PDZRN3: variants seen among roughly 807,000 people sequenced by gnomAD.
The protein encoded by PDZRN3 is E3 ubiquitin-protein ligase PDZRN3.
PDZRN3 carries 38 observed loss-of-function variants against 85.7 expected under a neutral mutation model. The ratio of observed to expected loss-of-function variants is 0.44; its 90% CI spans 0.34 to 0.58. The LOEUF is 0.58. Ranked by LOEUF, PDZRN3 falls within the 20% of genes least tolerant of loss-of-function variation. PDZRN3 has a pLI of 0.01. For synonymous variants in PDZRN3, 759 were observed against 638.0 expected, an observed-to-expected ratio of 1.19 and a Z score of -2.86; for missense variants, 1,629 against 1,506.4, an observed-to-expected ratio of 1.08 and a Z score of -1.35.
intron 3 of PDZRN3, among the ~76,000 whole-genome samples, chr3:73,414,588 T>C (rs546495739): frequency 1.3e-5 from 2 of 152,352 alleles, no homozygotes; most frequent in African/African-American, 4.8e-5. Context: ...GATAGGATCC[T>C]TGGAAGAAAA....
chr3:73,424,634 A>C (rs1370950830), intron 3 of PDZRN3, among the ~76,000 whole-genome samples: 2 of 152,014 alleles, frequency 1.3e-5, no homozygotes, highest in Non-Finnish European at 2.9e-5. Context: ...TGGTATCCAG[A>C]CTATGTTTTT....
chr3:73,427,682 T>C (rs1306821979), intron 3 of PDZRN3, among the ~76,000 whole-genome samples: 5 of 152,234 alleles, frequency 3.3e-5, no homozygotes, highest in Admixed American at 2.6e-4. Flanking sequence ...ATGGACTCAT[T>C]TGTCACGGTA....
chr3:73,421,171 T>C (rs957354383), intron 3 of PDZRN3, among the ~76,000 whole-genome samples: 13 of 152,094 alleles, frequency 8.5e-5, no homozygotes, highest in Admixed American at 1.3e-4. Flanking sequence ...TATGCCCACA[T>C]AAAGAGCCTA....
chr3:73,443,491 T>C (rs1287801915), intron 3 of PDZRN3, among the ~76,000 whole-genome samples: 3 of 139,990 alleles, frequency 2.1e-5, no homozygotes, highest in South Asian at 2.2e-4. Context: ...TTTTTTTTTT[T>C]TTTTTTTGGG....
intron 3 of PDZRN3, among the ~76,000 whole-genome samples, chr3:73,566,052 A>G (rs1701943946): frequency 6.6e-6 from 1 of 152,216 alleles, no homozygotes; most frequent in South Asian, 2.1e-4. Flanking sequence ...GCATTCAGGT[A>G]ATTAGGAAAA....
At chr3:73,387,680 G>A (rs150169360) in intron 8 of PDZRN3, among the ~76,000 whole-genome samples, 10 of 152,252 alleles carry the variant, frequency 6.6e-5, no homozygotes, top group Non-Finnish European at 1.0e-4. Context: ...ATGTCTTGAC[G>A]TGACCCCGGT....
chr3:73,440,288 C>T (rs935815979), intron 3 of PDZRN3, among the ~76,000 whole-genome samples: 1 of 152,162 alleles, frequency 6.6e-6, no homozygotes, highest in African/African-American at 2.4e-5. Flanking sequence ...GTGAGGGCAG[C>T]CTACTATGTG....
At chr3:73,397,111 G>A (rs1701654768) in intron 5 of PDZRN3, among the ~76,000 whole-genome samples, 1 of 150,306 alleles carries the variant, frequency 6.7e-6, no homozygotes, top group Non-Finnish European at 1.5e-5. Context: ...TTGGCTCAAT[G>A]CAACCTCCGC....
At chr3:73,584,983 A>AT (rs1184365231) in intron 3 of PDZRN3, among the ~76,000 whole-genome samples, 1 of 152,076 alleles carries the variant, frequency 6.6e-6, no homozygotes, top group Non-Finnish European at 1.5e-5. Context: ...CTTTAAAAAA[A>AT]TTTTTTTTCA....
At chr3:73,592,751 T>C (rs1005052459) in intron 3 of PDZRN3, among the ~76,000 whole-genome samples, 1 of 152,054 alleles carries the variant, frequency 6.6e-6, no homozygotes, top group Non-Finnish European at 1.5e-5. Flanking sequence ...CACCCTGGAG[T>C]ACTCAGAGTT....
intron 3 of PDZRN3, among the ~76,000 whole-genome samples, chr3:73,477,037 G>A (rs1429153468): frequency 1.3e-5 from 2 of 152,210 alleles, no homozygotes; most frequent in Admixed American, 1.3e-4. Flanking sequence ...TATATTTATT[G>A]AGTTCTTATA....
At chr3:73,465,718 A>G (rs1703199383) in intron 3 of PDZRN3, among the ~76,000 whole-genome samples, 1 of 152,234 alleles carries the variant, frequency 6.6e-6, no homozygotes, top group Non-Finnish European at 1.5e-5. Flanking sequence ...TGTAAGATCC[A>G]AATTCCCCCC....
chr3:73,570,862 A>C (rs575361203), intron 3 of PDZRN3, among the ~76,000 whole-genome samples: 11 of 152,298 alleles, frequency 7.2e-5, no homozygotes, highest in African/African-American at 2.4e-4. Flanking sequence ...GTTCCTAAAA[A>C]GTCTCTTAAG....
At chr3:73,424,391 A>AAAAAAAAAAAAC (rs1459951902) in intron 3 of PDZRN3, among the ~76,000 whole-genome samples, 1 of 145,450 alleles carries the variant, frequency 6.9e-6, no homozygotes, top group African/African-American at 2.7e-5. Context: ...AAAAAAAAAA[A>AAAAAAAAAAAAC]ATAGCTGAGT....
At chr3:73,568,155 T>C (rs1701981786) in intron 3 of PDZRN3, among the ~76,000 whole-genome samples, 1 of 152,140 alleles carries the variant, frequency 6.6e-6, no homozygotes, top group South Asian at 2.1e-4. Flanking sequence ...CAAAAATAAA[T>C]GGCTTCTTGG....
intron 3 of PDZRN3, among the ~76,000 whole-genome samples, chr3:73,553,769 G>T (rs1276565345): frequency 6.6e-6 from 1 of 152,106 alleles, no homozygotes; most frequent in Non-Finnish European, 1.5e-5. Flanking sequence ...AGTAGGCCAA[G>T]GTGACAGGGA....
intron 3 of PDZRN3, among the ~76,000 whole-genome samples, chr3:73,409,293 C>T (rs139027448): frequency 2.1e-4 from 32 of 152,256 alleles, no homozygotes; most frequent in African/African-American, 6.0e-4. Flanking sequence ...CCATTCCTTC[C>T]GGGTTCAATT....
chr3:73,387,859 C>T, intron 8 of PDZRN3, 109 bp downstream of exon 8: 2 of 624,396 alleles, frequency 3.2e-6, no homozygotes, highest in South Asian at 2.2e-5. Flanking sequence ...TTCCAGGGAA[C>T]AAAGCACCTT....
chr3:73,434,545 C>G (rs1702495599), intron 3 of PDZRN3, among the ~76,000 whole-genome samples: 1 of 152,136 alleles, frequency 6.6e-6, no homozygotes. Flanking sequence ...AATCATTCCC[C>G]AAATGCATTT....
Sources: gnomAD v4.1 joint callset for allele counts (sites outside exome capture counted in the v4.1 genomes callset) on GRCh38, gnomAD v4.1.1 for gene constraint, MANE v1.5 for transcripts, NCBI Gene and HGNC (gene_info 2026-07-23, HGNC 2026-07-21) for gene names.